The following NEBL variants were observed in gnomAD, a reference collection of about 807,000 sequenced individuals.
NEBL encodes nebulette.
A neutral mutation model predicts 140.2 loss-of-function variants in NEBL; 122 were observed. That is an observed-to-expected ratio of 0.87 (90% CI 0.75 to 1.01). NEBL has a LOEUF of 1.01. Ranked by LOEUF, NEBL falls within the 50% of genes least tolerant of loss-of-function variation. The probability of loss-of-function intolerance (pLI) is 0.00; values close to 1 mark genes in which losing one functional copy is unlikely to be tolerated. For synonymous variants in NEBL, 436 were observed against 398.9 expected, an observed-to-expected ratio of 1.09 and a Z score of -1.11; for missense variants, 1,365 against 1,231.3, an observed-to-expected ratio of 1.11 and a Z score of -1.62.
chr10:20,922,010 G>A (rs1833611638), intron 4 of NEBL, among the ~76,000 whole-genome samples: 1 of 152,220 alleles, frequency 6.6e-6, no homozygotes, highest in South Asian at 2.1e-4. Flanking sequence ...AAGGAAAATA[G>A]AGCAAGCAAT....
intron 2 of NEBL, among the ~76,000 whole-genome samples, chr10:21,142,614 T>C (rs1839686185): frequency 6.6e-6 from 1 of 152,194 alleles, no homozygotes; most frequent in Non-Finnish European, 1.5e-5. Flanking sequence ...TGATTTACTT[T>C]TAATATTTCA....
intron 25 of NEBL, among the ~76,000 whole-genome samples, chr10:20,809,121 T>C (rs192755630): frequency 7.2e-5 from 11 of 152,280 alleles, no homozygotes; most frequent in Admixed American, 5.2e-4. Context: ...TCAATTCTAT[T>C]CACATCAAAA....
At chr10:21,053,003 G>A (rs1834843137) in intron 2 of NEBL, among the ~76,000 whole-genome samples, 1 of 152,202 alleles carries the variant, frequency 6.6e-6, no homozygotes, top group Non-Finnish European at 1.5e-5. Context: ...ACAGCTAGAA[G>A]AGAAGATGTT....
At chr10:21,087,688 G>A (rs1421077589) in intron 2 of NEBL, among the ~76,000 whole-genome samples, 2 of 152,190 alleles carry the variant, frequency 1.3e-5, no homozygotes, top group Admixed American at 6.5e-5. Flanking sequence ...TGGAATGTGT[G>A]ACAATTAGTT....
chr10:21,243,751 T>C (rs1229480288), intron 3 of NEBL, among the ~76,000 whole-genome samples: 1 of 152,174 alleles, frequency 6.6e-6, no homozygotes, highest in Non-Finnish European at 1.5e-5. Flanking sequence ...GCGCTTCCTT[T>C]CCGCATTCTC....
intron 3 of NEBL, among the ~76,000 whole-genome samples, chr10:20,997,638 T>G (rs931147917): frequency 1.3e-5 from 2 of 152,084 alleles, no homozygotes; most frequent in African/African-American, 4.8e-5. Context: ...CTAATATAAT[T>G]GGGTACTTTC....
At chr10:21,081,518 A>G (rs1836368209) in intron 2 of NEBL, among the ~76,000 whole-genome samples, 1 of 152,220 alleles carries the variant, frequency 6.6e-6, no homozygotes, top group Non-Finnish European at 1.5e-5. Flanking sequence ...ATAGATAAAG[A>G]AATTGATATT....
Position 21,231,801 on chromosome 10 carries a change from A to G in NEBL, n.348+16120T>C, listed in dbSNP as rs138407814. On this transcript the variant is annotated intron_variant and non_coding_transcript_variant, in intron 3 of 8. Transcript: ENST00000675702. ...GGGAGAAGGGTAGGAAACAAGATGA[A>G]AACTAAAAATAAAATTCTACGCCCT... is the stretch of plus-strand genomic sequence containing the variant. 5.7e-4 allele frequency among the ~76,000 whole-genome samples: 87 copies of G among 151,788 alleles called. 1 individual carries two copies. In the East Asian group the frequency reaches 8.2e-3, roughly 14 times the overall value.
chr10:20,859,530 T>C (rs1315866653), intron 8 of NEBL, among the ~76,000 whole-genome samples, 183 bp downstream of exon 8: 1 of 152,092 alleles, frequency 6.6e-6, no homozygotes, highest in Non-Finnish European at 1.5e-5. Flanking sequence ...TAATTAGTAA[T>C]CAGTAACCAT....
intron 5 of NEBL, among the ~76,000 whole-genome samples, chr10:20,880,284 C>T (rs1450572182): frequency 1.3e-5 from 2 of 152,124 alleles, no homozygotes; most frequent in African/African-American, 4.8e-5. Flanking sequence ...TACTTGAACC[C>T]GGCAGGCAGA....
At chr10:20,897,824 AT>A (rs1413852920), upstream of NEBL, among the ~76,000 whole-genome samples, 3 of 152,242 alleles carry the variant, frequency 2.0e-5, no homozygotes, top group Non-Finnish European at 2.9e-5. Context: ...CTTATTTATT[AT>A]GAAAAGCCCT....
At chr10:20,910,123 T>G (rs1431730870) in intron 4 of NEBL, among the ~76,000 whole-genome samples, 2 of 152,214 alleles carry the variant, frequency 1.3e-5, no homozygotes. Flanking sequence ...TTAAAGCAGC[T>G]TCTCTGTGCT....
chr10:21,289,793 A>G (rs1020732989), intron 1 of NEBL, among the ~76,000 whole-genome samples: 9 of 152,184 alleles, frequency 5.9e-5, no homozygotes, highest in African/African-American at 1.7e-4. Context: ...GAGGCTAGAT[A>G]GTGGGTCAGA....
At chr10:21,062,203 T>A (rs1196074847) in intron 2 of NEBL, among the ~76,000 whole-genome samples, 5 of 152,130 alleles carry the variant, frequency 3.3e-5, no homozygotes, top group Non-Finnish European at 7.3e-5. Flanking sequence ...TCAATACAGC[T>A]AAATTCTTAG....
intron 24 of NEBL, among the ~76,000 whole-genome samples, chr10:20,811,929 T>G (rs1056967129): frequency 2.0e-5 from 3 of 152,232 alleles, no homozygotes; most frequent in African/African-American, 7.2e-5. Context: ...TATGATCTTT[T>G]CTGATATCTC....
intron 3 of NEBL, among the ~76,000 whole-genome samples, chr10:21,231,906 G>A (rs947335202): frequency 1.3e-5 from 2 of 152,140 alleles, no homozygotes; most frequent in African/African-American, 2.4e-5. Flanking sequence ...GGCATGGCAG[G>A]ATGGGAGGCC....
At chr10:20,871,330 A>G (rs977869764) in intron 5 of NEBL, among the ~76,000 whole-genome samples, 1 of 152,206 alleles carries the variant, frequency 6.6e-6, no homozygotes, top group African/African-American at 2.4e-5. Context: ...CAAAAATCTA[A>G]TTTTAATGAA....
chr10:20,789,139 G>A (rs574985077), intron 26 of NEBL, among the ~76,000 whole-genome samples: 1 of 152,150 alleles, frequency 6.6e-6, no homozygotes, highest in East Asian at 1.9e-4. Context: ...GGCTACTCAC[G>A]GTATTTCCAA....
At chr10:20,923,693 A>AAAAAAAG (rs1564445183) in intron 4 of NEBL, among the ~76,000 whole-genome samples, 1 of 148,122 alleles carries the variant, frequency 6.8e-6, no homozygotes, top group African/African-American at 2.5e-5. Context: ...AAAAAAAAAA[A>AAAAAAAG]AAAGAAATGG....
Sources: gnomAD v4.1 joint callset for allele counts (sites outside exome capture counted in the v4.1 genomes callset) on GRCh38, gnomAD v4.1.1 for gene constraint, MANE v1.5 for transcripts, NCBI Gene and HGNC (gene_info 2026-07-23, HGNC 2026-07-21) for gene names.